The following BPNT2 variants were observed in gnomAD, a reference collection of about 807,000 sequenced individuals.
BPNT2 encodes Golgi-resident adenosine 3',5'-bisphosphate 3'-phosphatase.
Under a neutral mutation model 29.3 loss-of-function variants are expected in BPNT2, and 11 were observed. That is an observed-to-expected ratio of 0.38 (90% CI 0.24 to 0.62). The LOEUF (loss-of-function observed/expected upper bound fraction) is 0.62. BPNT2 is among the 20% of genes least tolerant of loss of function. The pLI is 0.62. For synonymous variants in BPNT2, 195 were observed against 187.7 expected (o/e 1.04, Z -0.32); for missense variants, 459 against 473.4 (o/e 0.97, Z 0.28).
rs1165697396 is a variant in BPNT2 at position 56,966,244 on chromosome 8, A to C, written c.755T>G (p.Val252Gly). 7 of 1,614,018 alleles carry C rather than the reference A, an allele frequency of 4.3e-6. No individual in the cohort carries two copies. Among genetic ancestry groups the C allele is most frequent in the Non-Finnish European group, 5.9e-6 (7 of 1,180,006 alleles). ...CTGGTTTCCAAAAGTCTGAAGAGCG[A>C]CCTGTTTGACCATCCCTGAATGGGA... ...SRSHSGMVKQVALQTFGNQTT... is the reference protein window; with the variant it reads ...SRSHSGMVKQGALQTFGNQTT... The change falls in exon 4 of 5, where the codon GTC becomes GGC. Residue 252 changes from valine to glycine, a missense_variant. Physicochemically the swap from Val to Gly is moderately radical, Grantham distance 109. Transcript: ENST00000262644.
intron 1 of BPNT2, 57 bp downstream of exon 1, chr8:56,993,142 C>G: frequency 1.3e-6 from 2 of 1,555,680 alleles, no homozygotes; most frequent in South Asian, 1.2e-5. Flanking sequence ...TGTTAAGAGT[C>G]GACGGGCCGA....
At position 56,962,050 on chromosome 8, in the gene BPNT2, C is replaced by T. The variant is rs765223411; in HGVS notation, c.*1743G>A. ...TCTCTCCTGAAAAAGAAAGTTTCTTCAGCTTATTGCAAAGGAAAAAAATGA... is the reference window on the plus strand; with the variant it reads ...TCTCTCCTGAAAAAGAAAGTTTCTTTAGCTTATTGCAAAGGAAAAAAATGA... On this transcript the variant is annotated 3_prime_UTR_variant, in exon 5 of 5. Transcript: ENST00000262644. 3 of 152,120 alleles carry T rather than the reference C, an allele frequency of 2.0e-5. No homozygotes were observed. The highest frequency in any genetic ancestry group is 7.2e-5 in the African/African-American group (3 of 41,422). 9.4% of individuals were successfully genotyped at this position (152,120 alleles called of 1,614,324 possible).
At chr8:56,977,781 A>G (rs560370447) in intron 3 of BPNT2, among the ~76,000 whole-genome samples, 1 of 152,234 alleles carries the variant, frequency 6.6e-6, no homozygotes, top group African/African-American at 2.4e-5. Context: ...GCCAATGAAC[A>G]CCACAGAATG....
rs1474281826 is a variant in BPNT2 at position 56,963,757 on chromosome 8, C to T, written c.*36G>A. 5 of 1,612,012 alleles carry T rather than the reference C, an allele frequency of 3.1e-6. No individual in the cohort carries two copies. The Admixed American group carries it at 8.3e-5, about 27-fold the overall frequency. ...TTCCAGCATCTCAGGCTAACCATTT[C>T]AGCTGTGAAGAACTGTACCCTGTAA... On this transcript the variant is annotated 3_prime_UTR_variant, in exon 5 of 5. Coordinates refer to ENST00000262644, the MANE Select transcript of BPNT2 (RefSeq NM_017813.5).
chr8:56,969,135 T>A (rs1360778667), intron 3 of BPNT2, among the ~76,000 whole-genome samples: 1 of 152,202 alleles, frequency 6.6e-6, no homozygotes. Context: ...CCCCACTGAC[T>A]CCTTGATACC....
chr8:56,986,548 C>T (rs920698281), intron 1 of BPNT2, among the ~76,000 whole-genome samples: 2 of 152,172 alleles, frequency 1.3e-5, no homozygotes, highest in Non-Finnish European at 2.9e-5. Context: ...AATGGGGTTA[C>T]GTCCTGATAA....
At chr8:56,984,854 G>GT (rs1563411000) in intron 1 of BPNT2, among the ~76,000 whole-genome samples, 1 of 152,200 alleles carries the variant, frequency 6.6e-6, no homozygotes, top group Non-Finnish European at 1.5e-5. Flanking sequence ...AATGACAGCA[G>GT]TAAGTGCTAT....
chr8:56,981,051 G>A (rs1806233549), intron 1 of BPNT2, among the ~76,000 whole-genome samples: 1 of 151,652 alleles, frequency 6.6e-6, no homozygotes, highest in African/African-American at 2.4e-5. Flanking sequence ...TCCTTGTTGT[G>A]GGGCTGTCCT....
chr8:56,961,990 C>T lies in BPNT2; in HGVS notation c.*1803G>A, dbSNP rs1430228594. On this transcript the variant is annotated 3_prime_UTR_variant, in exon 5 of 5. Transcript: ENST00000262644. ...ACTATAATAAAAACAGATGCTTATA[C>T]CACAGGACTCTGGCAACAGCATATA... is the stretch of plus-strand genomic sequence containing the variant. The T allele has an allele frequency of 3.9e-5, 6 of 152,138 alleles. No homozygotes were observed. Among genetic ancestry groups the T allele is most frequent in the African/African-American group, 7.2e-5 (3 of 41,432 alleles). 9.4% of individuals were successfully genotyped at this position (152,138 alleles called of 1,614,324 possible).
chr8:56,984,581 T>A (rs1229034196), intron 1 of BPNT2, among the ~76,000 whole-genome samples: 1 of 152,218 alleles, frequency 6.6e-6, no homozygotes, highest in Non-Finnish European at 1.5e-5. Context: ...TCTCACCTCC[T>A]ACAATATATT....
At position 56,978,077 on chromosome 8, in the gene BPNT2, T is replaced by C. The variant is rs536533447; in HGVS notation, c.619A>G (p.Ile207Val). 5 of 1,609,850 alleles carry C rather than the reference T, an allele frequency of 3.1e-6. No individual in the cohort carries two copies. The African/African-American group carries it at 4.0e-5, about 13-fold the overall frequency. Residue 207 changes from isoleucine (I) to valine (V), a missense_variant, in exon 3 of 5, where the codon ATA (isoleucine) becomes GTA (valine). By Grantham distance (29) the Ile-to-Val change is conservative. Coordinates refer to ENST00000262644, the MANE Select transcript of BPNT2 (RefSeq NM_017813.5). ...AVNGKPMLGV[I>V]HKPFSEYTAW... ...GTATATTCGGAAAATGGCTTATGTATAACTCCTAGCATGGGTTTACCATTT... is the reference window on the plus strand; with the variant it reads ...GTATATTCGGAAAATGGCTTATGTACAACTCCTAGCATGGGTTTACCATTT...
rs112318196 is a variant in BPNT2, at chr8:56,993,281, G to A, written c.305C>T (p.Ala102Val). The change falls in exon 1 of 5, where the codon GCC (alanine) becomes GTC (valine). Residue 102 changes from alanine to valine, a missense_variant. Physicochemically the swap from Ala to Val is moderately conservative, Grantham distance 64. Transcript: ENST00000262644. ...GTCGCCGCTGGTCATCTTGTCCTCG[G>A]CTCCCTCGCGCGTCTTCCCCTTGGA... ...EKSKGKTREG[A>V]EDKMTSGDVL... 1.9e-5 allele frequency: 31 copies of A among 1,611,426 alleles called. No homozygotes were observed. The highest frequency in any genetic ancestry group is 1.0e-4 in the Admixed American group (6 of 59,998).
At position 56,962,654 on chromosome 8, in the gene BPNT2, CTCTATTTTAA is replaced by C. The variant is rs748318896; in HGVS notation, c.*1129_*1138del. 1 of 152,058 alleles carries C rather than the reference CTCTATTTTAA, an allele frequency of 6.6e-6. No individual in the cohort carries two copies. The highest frequency in any genetic ancestry group is 1.5e-5 in the Non-Finnish European group (1 of 68,006). 9.4% of individuals were successfully genotyped at this position (152,058 alleles called of 1,614,324 possible). A position where few individuals can be genotyped will look rare whatever the true frequency, so the allele number is the denominator to read the frequency against. ...TTCATCAAAAAGTACCTTCAACCTT[CTCTATTTTAA>C]TCTGAGGGGAAATTAAGAGAATCTC... On this transcript the variant is annotated 3_prime_UTR_variant, in exon 5 of 5. Coordinates refer to ENST00000262644, the MANE Select transcript of BPNT2 (RefSeq NM_017813.5).
In BPNT2 at chr8:56,958,509, A is replaced by T. The variant is rs761057108; in HGVS notation, c.*5284T>A. The T allele has an allele frequency of 4.6e-5, 7 of 152,218 alleles. No individual in the cohort carries two copies. Among genetic ancestry groups the T allele is most frequent in the Non-Finnish European group, 8.8e-5 (6 of 68,026 alleles). 9.4% of individuals were successfully genotyped at this position (152,218 alleles called of 1,614,324 possible). On this transcript the variant is annotated 3_prime_UTR_variant, in exon 5 of 5. Transcript: ENST00000262644. ...ATGTGACGGCAACAGCTAATGGTCT[A>T]GTTCCTCCATGGCTTTAAATGCATG...
chr8:56,993,394 G>A lies in BPNT2; in HGVS notation c.192C>T (p.Arg64=), dbSNP rs952549397. The change falls in exon 1 of 5, where the codon CGC becomes CGT. Residue 64 remains arginine (R), a synonymous_variant. Transcript: ENST00000262644. ...AAADGGTVDL[R]EMLAVSVLAA... ...CCAGCACTGACACAGCCAGCATCTC[G>A]CGCAAGTCCACGGTGCCCCCATCGG... 1 of 1,607,710 alleles carries A rather than the reference G, an allele frequency of 6.2e-7. No homozygotes were observed. Among genetic ancestry groups the A allele is most frequent in the Admixed American group, 1.7e-5 (1 of 59,942 alleles).
chr8:56,980,217 C>G lies in BPNT2; in HGVS notation c.388-20G>C. 2.5e-6 allele frequency: 4 copies of G among 1,607,584 alleles called. No individual in the cohort carries two copies. Among genetic ancestry groups the G allele is most frequent in the Non-Finnish European group, 3.4e-6 (4 of 1,174,410 alleles). ...ATTAATCTGCATTAAAAACAGGTGA[C>G]AGTTAAAAAAAGTAAGACGAACAAT... On this transcript the variant is annotated intron_variant, in intron 1 of 4. Transcript: ENST00000262644.
At chr8:56,981,929 GAC>G (rs1429742999) in intron 1 of BPNT2, among the ~76,000 whole-genome samples, 3 of 152,066 alleles carry the variant, frequency 2.0e-5, no homozygotes, top group African/African-American at 7.2e-5. Flanking sequence ...TTACAGCACT[GAC>G]AATACATGAG....
chr8:56,979,611 A>C (rs2129205358), intron 2 of BPNT2, among the ~76,000 whole-genome samples: 1 of 152,314 alleles, frequency 6.6e-6, no homozygotes, highest in East Asian at 1.9e-4. Flanking sequence ...TGTAACATAT[A>C]AACCAAATGA....
At chr8:56,982,616 C>T (rs1806263455) in intron 1 of BPNT2, among the ~76,000 whole-genome samples, 1 of 151,482 alleles carries the variant, frequency 6.6e-6, no homozygotes, top group Non-Finnish European at 1.5e-5. Flanking sequence ...AGATAAACAA[C>T]GAGACACATG....
Sources: allele counts gnomAD v4.1 joint callset (sites outside exome capture counted in the v4.1 genomes callset), GRCh38; gene constraint gnomAD v4.1.1; transcripts MANE v1.5; gene names NCBI Gene and HGNC (gene_info 2026-07-23, HGNC 2026-07-21).